Variants in DLG2 observed in about 807,000 individuals in gnomAD.
DLG2 encodes the protein disks large homolog 2.
A neutral mutation model predicts 132.5 loss-of-function variants in DLG2; 45 were observed. That is an observed-to-expected ratio of 0.34 (90% confidence interval 0.27 to 0.44). DLG2 has a LOEUF of 0.44. Ranked by LOEUF, DLG2 falls within the 20% of genes least tolerant of loss-of-function variation. The pLI, the probability that DLG2 is intolerant of heterozygous loss-of-function variation, is 1.00. For synonymous variants in DLG2, 424 were observed against 419.6 expected, an observed-to-expected ratio of 1.01 and a Z score of -0.13; for missense variants, 1,045 against 1,196.9, an observed-to-expected ratio of 0.87 and a Z score of 1.87.
At chr11:84,193,153 T>A (rs1182174325) in intron 8 of DLG2, among the ~76,000 whole-genome samples, 1 of 152,184 alleles carries the variant, frequency 6.6e-6, no homozygotes, top group East Asian at 1.9e-4. Flanking sequence ...ATTAATGGAA[T>A]CCTAGACAGT....
At chr11:85,256,592 C>A (rs1173024040) in intron 4 of DLG2, among the ~76,000 whole-genome samples, 2 of 152,132 alleles carry the variant, frequency 1.3e-5, no homozygotes, top group Non-Finnish European at 2.9e-5. Flanking sequence ...CTAGACACTA[C>A]CATGGGGCCG....
chr11:85,211,842 T>A (rs1452858515), intron 4 of DLG2, among the ~76,000 whole-genome samples: 1 of 152,154 alleles, frequency 6.6e-6, no homozygotes, highest in Non-Finnish European at 1.5e-5. Flanking sequence ...TTGGGAGCTA[T>A]CTCATTAGTA....
chr11:85,191,148 G>A (rs894724668), intron 4 of DLG2, among the ~76,000 whole-genome samples: 132 of 128,980 alleles, frequency 1.0e-3, no homozygotes, highest in African/African-American at 3.3e-3. Flanking sequence ...ATGCATGCGC[G>A]CGCGCGCACG....
chr11:84,247,348 A>AATCACTCTGAGCTCCCTAAG (rs1373694945), intron 8 of DLG2, among the ~76,000 whole-genome samples: 1 of 152,202 alleles, frequency 6.6e-6, no homozygotes, highest in Non-Finnish European at 1.5e-5. Context: ...AGCAGGCTCT[A>AATCACTCTGAGCTCCCTAAG]ATCACTCTGA....
chr11:84,106,407 CA>C (rs1174560797), intron 9 of DLG2, among the ~76,000 whole-genome samples: 3 of 152,110 alleles, frequency 2.0e-5, no homozygotes, highest in Non-Finnish European at 4.4e-5. Context: ...GAAAATAATG[CA>C]GACATTTCTA....
intron 9 of DLG2, among the ~76,000 whole-genome samples, chr11:84,161,311 G>T (rs1447227125): frequency 6.6e-6 from 1 of 152,102 alleles, no homozygotes. Flanking sequence ...TGAAAGCTGG[G>T]TAGAAATGGT....
chr11:84,878,176 C>G (rs1600605787), intron 6 of DLG2, among the ~76,000 whole-genome samples: 1 of 152,128 alleles, frequency 6.6e-6, no homozygotes. Flanking sequence ...GATCTAGAAA[C>G]AGAAATGCCA....
chr11:84,790,905 G>A (rs2073744267), intron 6 of DLG2, among the ~76,000 whole-genome samples: 1 of 152,138 alleles, frequency 6.6e-6, no homozygotes, highest in African/African-American at 2.4e-5. Flanking sequence ...TAGGTGTATG[G>A]ATTTATTTCT....
intron 6 of DLG2, among the ~76,000 whole-genome samples, chr11:84,849,888 G>C (rs1353170147): frequency 6.6e-6 from 1 of 152,122 alleles, no homozygotes; most frequent in Non-Finnish European, 1.5e-5. Context: ...GTAGTTGGCA[G>C]TAACATATTG....
chr11:85,158,763 G>T (rs776419748), intron 4 of DLG2, among the ~76,000 whole-genome samples: 39 of 152,158 alleles, frequency 2.6e-4, no homozygotes, highest in Non-Finnish European at 5.0e-4. Context: ...AATCAGAATA[G>T]TCTGACTCGT....
At chr11:85,243,017 T>C (rs1436637380) in intron 4 of DLG2, among the ~76,000 whole-genome samples, 2 of 151,998 alleles carry the variant, frequency 1.3e-5, no homozygotes, top group Non-Finnish European at 2.9e-5. Context: ...TTTGGTGTCC[T>C]AAGGCAAAAG....
chr11:85,338,421 T>C (rs961082219), intron 3 of DLG2, among the ~76,000 whole-genome samples: 4 of 152,234 alleles, frequency 2.6e-5, no homozygotes, highest in African/African-American at 9.6e-5. Context: ...TCAGTTCTTT[T>C]CTTTCCCATC....
intron 9 of DLG2, among the ~76,000 whole-genome samples, chr11:84,118,155 G>C (rs746770595): frequency 6.6e-6 from 1 of 152,092 alleles, no homozygotes; most frequent in South Asian, 2.1e-4. Context: ...CCACCACCCA[G>C]CTGGCTTTAT....
chr11:85,455,317 C>T (rs2092385913), intron 3 of DLG2, among the ~76,000 whole-genome samples: 1 of 152,080 alleles, frequency 6.6e-6, no homozygotes, highest in Non-Finnish European at 1.5e-5. Context: ...TGATTTGGCT[C>T]TCCACTTAGA....
At chr11:84,898,190 A>G (rs1175625182) in intron 6 of DLG2, among the ~76,000 whole-genome samples, 1 of 151,954 alleles carries the variant, frequency 6.6e-6, no homozygotes, top group African/African-American at 2.4e-5. Flanking sequence ...CTAAGTTTGT[A>G]TTAGTTGAGC....
intron 8 of DLG2, among the ~76,000 whole-genome samples, chr11:84,186,970 C>T (rs902312974): frequency 1.3e-5 from 2 of 151,832 alleles, no homozygotes; most frequent in Non-Finnish European, 2.9e-5. Flanking sequence ...TTGTCCATCT[C>T]AACTGGCTTT....
At chr11:83,894,609 G>GAT (rs1214353253) in intron 15 of DLG2, among the ~76,000 whole-genome samples, 1 of 152,132 alleles carries the variant, frequency 6.6e-6, no homozygotes. Flanking sequence ...GGGTAACTGG[G>GAT]ATATCTATCG....
chr11:85,341,521 G>C (rs1047491476), intron 3 of DLG2, among the ~76,000 whole-genome samples: 4 of 152,050 alleles, frequency 2.6e-5, no homozygotes, highest in Non-Finnish European at 5.9e-5. Context: ...TTGCCTAATT[G>C]CATTGGCTGA....
intron 4 of DLG2, among the ~76,000 whole-genome samples, chr11:85,173,462 TCCTG>T (rs2079014456): frequency 2.0e-5 from 3 of 152,256 alleles, no homozygotes; most frequent in Middle Eastern, 3.4e-3. Context: ...TTGCAAGAGT[TCCTG>T]AAGGAAGCAC....
Sources: allele counts gnomAD v4.1 joint callset (sites outside exome capture counted in the v4.1 genomes callset), GRCh38; gene constraint gnomAD v4.1.1; transcripts MANE v1.5; gene names NCBI Gene and HGNC (gene_info 2026-07-23, HGNC 2026-07-21).